Variants in PDE3A observed in about 807,000 individuals in gnomAD.
The protein encoded by PDE3A is cGMP-inhibited 3',5'-cyclic phosphodiesterase 3A.
A neutral mutation model predicts 98.3 loss-of-function variants in PDE3A; 43 were observed. The ratio of observed to expected loss-of-function variants is 0.44; its 90% CI spans 0.34 to 0.56. PDE3A has a LOEUF of 0.56. Ranked by LOEUF, PDE3A falls within the 20% of genes least tolerant of loss-of-function variation. The pLI is 0.01. For missense variants in PDE3A, 1,427 were observed against 1,440.7 expected (o/e 0.99, Z 0.15); for synonymous variants, 663 against 567.9 (o/e 1.17, Z -2.38).
intron 15 of PDE3A, among the ~76,000 whole-genome samples, chr12:20,664,806 G>C (rs902454627): frequency 2.6e-5 from 4 of 152,050 alleles, no homozygotes; most frequent in African/African-American, 9.7e-5. Context: ...AAATTATCCA[G>C]TCTCAGGTAT....
intron 1 of PDE3A, among the ~76,000 whole-genome samples, chr12:20,540,779 G>A (rs1285012073): frequency 2.6e-5 from 4 of 151,966 alleles, no homozygotes; most frequent in African/African-American, 9.7e-5. Flanking sequence ...GGAAAACTTT[G>A]GCTAGGACAT....
intron 1 of PDE3A, among the ~76,000 whole-genome samples, chr12:20,506,454 T>C (rs1946120872): frequency 1.3e-5 from 2 of 152,088 alleles, no homozygotes; most frequent in African/African-American, 4.8e-5. Context: ...AATGTATGAA[T>C]GAGTACATGA....
intron 1 of PDE3A, among the ~76,000 whole-genome samples, chr12:20,436,359 C>T (rs1484769459): frequency 6.6e-6 from 1 of 152,110 alleles, no homozygotes; most frequent in Non-Finnish European, 1.5e-5. Context: ...AAAAACTATG[C>T]TGCTTTCTGT....
At position 20,664,882 on chromosome 12, in the gene PDE3A, T is replaced by G. The variant is rs981683734; in HGVS notation, c.3184+10677T>G. ...ATATACTCCTCATCCAACCTTCCCTTTCTCAGTACATCTTACCAACATACT... is the reference window on the plus strand; with the variant it reads ...ATATACTCCTCATCCAACCTTCCCTGTCTCAGTACATCTTACCAACATACT... On this transcript the variant is annotated intron_variant, in intron 15 of 15. Transcript: ENST00000359062. Among the ~76,000 whole-genome samples, 3 of 152,098 alleles carry G rather than the reference T, an allele frequency of 2.0e-5. No homozygotes were observed. The East Asian group carries it at 5.8e-4, about 29-fold the overall frequency.
intron 15 of PDE3A, among the ~76,000 whole-genome samples, chr12:20,669,896 C>A (rs1346121669): frequency 6.6e-6 from 1 of 152,016 alleles, no homozygotes; most frequent in Non-Finnish European, 1.5e-5. Flanking sequence ...TTAAAAGACA[C>A]AGACTGGCAA....
At chr12:20,422,142 C>G (rs374533758) in intron 1 of PDE3A, among the ~76,000 whole-genome samples, 82 of 152,128 alleles carry the variant, frequency 5.4e-4, no homozygotes, top group East Asian at 1.9e-3. Context: ...GTCAGGAGAT[C>G]GAGACCATCC....
chr12:20,552,516 G>A lies in PDE3A; in HGVS notation c.961-4144G>A. ...AGAAGGAGAACAGCAAGAGGGAGGAGGAGGAGCAGCAGGAGGGGGGCTTCG... is the reference window on the plus strand; with the variant it reads ...AGAAGGAGAACAGCAAGAGGGAGGAAGAGGAGCAGCAGGAGGGGGGCTTCG... On this transcript the variant is annotated intron_variant, in intron 1 of 15. Coordinates refer to ENST00000359062, the MANE Select transcript of PDE3A (RefSeq NM_000921.5). This position sits in a 1 kb window ranked among gnomAD's most constrained non-coding sequence, Gnocchi z 5.1. The A allele has an allele frequency of 3.1e-6, 5 of 1,613,130 alleles. No homozygotes were observed. Among genetic ancestry groups the A allele is most frequent in the Non-Finnish European group, 4.2e-6 (5 of 1,179,580 alleles).
chr12:20,472,870 A>T (rs1037598765), intron 1 of PDE3A, among the ~76,000 whole-genome samples: 2 of 152,196 alleles, frequency 1.3e-5, no homozygotes, highest in Non-Finnish European at 2.9e-5. Context: ...ATATTAAAGA[A>T]TGCATACTTT....
At chr12:20,492,501 A>C (rs1945846727) in intron 1 of PDE3A, among the ~76,000 whole-genome samples, 2 of 152,130 alleles carry the variant, frequency 1.3e-5, no homozygotes, top group Non-Finnish European at 2.9e-5. Flanking sequence ...AAGTATTAAG[A>C]AAAGCAACAA....
At chr12:20,584,271 A>C (rs574761131) in intron 2 of PDE3A, among the ~76,000 whole-genome samples, 1 of 152,210 alleles carries the variant, frequency 6.6e-6, no homozygotes, top group Non-Finnish European at 1.5e-5. Flanking sequence ...CAACTCAAAA[A>C]TACATAATAG....
chr12:20,539,731 A>G (rs931041473), intron 1 of PDE3A, among the ~76,000 whole-genome samples: 1 of 152,126 alleles, frequency 6.6e-6, no homozygotes, highest in Admixed American at 6.6e-5. Context: ...TGAGCTGACA[A>G]TGCTAAGAAA....
intron 1 of PDE3A, among the ~76,000 whole-genome samples, chr12:20,428,009 A>AGGAGG: frequency 6.6e-6 from 1 of 152,080 alleles, no homozygotes; most frequent in Non-Finnish European, 1.5e-5. Context: ...GTCAGGAGTA[A>AGGAGG]TCCCACATCG....
At chr12:20,670,802 A>T (rs1945455029) in intron 15 of PDE3A, among the ~76,000 whole-genome samples, 1 of 135,090 alleles carries the variant, frequency 7.4e-6, no homozygotes, top group Admixed American at 7.5e-5. Context: ...GAAAAGCAAG[A>T]GCAAACACAT....
intron 1 of PDE3A, among the ~76,000 whole-genome samples, chr12:20,527,144 C>T (rs1946539264): frequency 6.6e-6 from 1 of 152,052 alleles, no homozygotes; most frequent in Non-Finnish European, 1.5e-5. Flanking sequence ...GTCTCCAACT[C>T]CTGAGCTCAG....
At chr12:20,512,934 A>G (rs1946254539) in intron 1 of PDE3A, among the ~76,000 whole-genome samples, 1 of 152,130 alleles carries the variant, frequency 6.6e-6, no homozygotes, top group Non-Finnish European at 1.5e-5. Context: ...TCATAATAGA[A>G]GTCACCAGAT....
intron 1 of PDE3A, among the ~76,000 whole-genome samples, chr12:20,459,223 T>A (rs1203885181): frequency 6.6e-6 from 1 of 152,164 alleles, no homozygotes; most frequent in Non-Finnish European, 1.5e-5. Flanking sequence ...GACATCTATA[T>A]TTTTATAAAT....
chr12:20,613,452 A>G lies in PDE3A; in HGVS notation c.1021A>G (p.Thr341Ala). ...TTGGTTTGTGTCTCAGTCTTCAGGA[A>G]CCAGTATTACTGTGGACATCGCCGT... ...RGPRGSQSSG[T>A]SITVDIAVMG... is the part of the protein sequence containing the mutation. Residue 341 changes from threonine to alanine, a missense_variant, in exon 3 of 16, where the codon ACC becomes GCC. By Grantham distance (58) the Thr-to-Ala change is moderately conservative. Coordinates refer to ENST00000359062, the MANE Select transcript of PDE3A (RefSeq NM_000921.5). 6.2e-7 allele frequency: 1 copy of G among 1,614,122 alleles called. No homozygotes were observed. Among genetic ancestry groups the G allele is most frequent in the Non-Finnish European group, 8.5e-7 (1 of 1,179,956 alleles).
At chr12:20,394,682 A>G (rs1451241142) in intron 1 of PDE3A, among the ~76,000 whole-genome samples, 1 of 152,136 alleles carries the variant, frequency 6.6e-6, no homozygotes, top group Non-Finnish European at 1.5e-5. Context: ...TAAACTGCAA[A>G]TAAAACATGC....
rs1056398425 is a variant in PDE3A at position 20,605,437 on chromosome 12, C to A, written c.1012-8006C>A. ...TAAGTCTACATAATAATTTTAAAAT[C>A]TTTTTTTAAATGTAAAATGCTTAAA... On this transcript the variant is annotated intron_variant, in intron 2 of 15. Coordinates refer to ENST00000359062, the MANE Select transcript of PDE3A (RefSeq NM_000921.5). 2.6e-5 allele frequency among the ~76,000 whole-genome samples: 4 copies of A among 152,150 alleles called. No individual in the cohort carries two copies. In the East Asian group the frequency reaches 7.7e-4, roughly 29 times the overall value.
Sources: gnomAD v4.1 joint callset for allele counts (sites outside exome capture counted in the v4.1 genomes callset) on GRCh38, gnomAD v4.1.1 for gene constraint, Gnocchi (gnomAD v3.1) non-coding constraint, MANE v1.5 for transcripts, NCBI Gene and HGNC (gene_info 2026-07-23, HGNC 2026-07-21) for gene names.